COP1: variants seen among roughly 807,000 people sequenced by gnomAD.
COP1 encodes E3 ubiquitin-protein ligase COP1.
In COP1, 24 loss-of-function variants were observed where a neutral mutation model predicts 101.3. That is an observed-to-expected ratio of 0.24 (90% CI 0.17 to 0.33). COP1 has a LOEUF of 0.33. COP1 is among the 10% of genes least tolerant of loss of function. The probability of loss-of-function intolerance (pLI) is 1.00; values close to 1 mark genes in which losing one functional copy is unlikely to be tolerated. For missense variants in COP1, 663 were observed against 906.2 expected (o/e 0.73, Z 3.45); for synonymous variants, 347 against 341.9 (o/e 1.01, Z -0.17).
At chr1:176,177,062 C>G (rs1162027968) in intron 2 of COP1, among the ~76,000 whole-genome samples, 1 of 151,856 alleles carries the variant, frequency 6.6e-6, no homozygotes, top group Non-Finnish European at 1.5e-5. Context: ...AAAACAGAAG[C>G]AACCTAAACA....
At chr1:176,135,956 A>G (rs1689723119) in intron 7 of COP1, among the ~76,000 whole-genome samples, 2 of 152,052 alleles carry the variant, frequency 1.3e-5, no homozygotes, top group Admixed American at 1.3e-4. Flanking sequence ...ATAAATAACT[A>G]AAAACACAAA....
At chr1:176,052,844 C>A (rs771242016) in intron 11 of COP1, among the ~76,000 whole-genome samples, 1 of 152,062 alleles carries the variant, frequency 6.6e-6, no homozygotes, top group Non-Finnish European at 1.5e-5. Context: ...TTGCTTTTCT[C>A]CCCCTCATGC....
intron 2 of COP1, among the ~76,000 whole-genome samples, chr1:176,176,718 G>A: frequency 6.6e-6 from 1 of 152,070 alleles, no homozygotes; most frequent in East Asian, 1.9e-4. Context: ...TGAGGCAGGA[G>A]GATCACCTGA....
chr1:176,054,325 C>A (rs1001095624), intron 11 of COP1, among the ~76,000 whole-genome samples: 13 of 151,938 alleles, frequency 8.6e-5, no homozygotes, highest in African/African-American at 2.9e-4. Flanking sequence ...CCATGCCCAG[C>A]TAATTTTTGT....
At position 176,148,982 on chromosome 1, in the gene COP1, T is replaced by C. The variant is rs201097782; in HGVS notation, c.831+24A>G. 1.9e-5 allele frequency: 27 copies of C among 1,441,538 alleles called. No homozygotes were observed. The East Asian group carries it at 5.2e-4, about 28-fold the overall frequency. The allele number at this position is 1,441,538 out of a possible 1,614,324, so 89.3% of individuals were successfully genotyped here. A position where few individuals can be genotyped will look rare whatever the true frequency, so the allele number is the denominator to read the frequency against. ...GTTAACAATAGTAAATAAAACATTA[T>C]GTAAAACACACAAAATAATATACCT... On this transcript the variant is annotated intron_variant, in intron 6 of 19. Transcript: ENST00000367669.
chr1:175,972,290 A>G (rs530325385), intron 18 of COP1, among the ~76,000 whole-genome samples: 120 of 152,088 alleles, frequency 7.9e-4, no homozygotes, highest in Non-Finnish European at 1.6e-3. Context: ...ATACTAATAC[A>G]CATGTTGAAA....
intron 18 of COP1, among the ~76,000 whole-genome samples, chr1:175,981,113 A>T (rs1655745846): frequency 6.6e-6 from 1 of 152,152 alleles, no homozygotes; most frequent in South Asian, 2.1e-4. Flanking sequence ...TTTCATCTGG[A>T]ATCTTTTTCT....
chr1:176,168,695 A>C (rs182631305), intron 3 of COP1: 1 of 325,584 alleles, frequency 3.1e-6, no homozygotes, highest in East Asian at 1.3e-4. Context: ...CAGGAGAGGG[A>C]AAGAGAGCAT....
intron 2 of COP1, among the ~76,000 whole-genome samples, chr1:176,180,210 G>A (rs569147941): frequency 6.6e-6 from 1 of 152,274 alleles, no homozygotes; most frequent in South Asian, 2.1e-4. Flanking sequence ...ACAATATCCT[G>A]TTAAAAGAAT....
intron 9 of COP1, among the ~76,000 whole-genome samples, chr1:176,107,543 A>G (rs1684522960): frequency 2.6e-5 from 4 of 152,146 alleles, no homozygotes; most frequent in Admixed American, 6.6e-5. Context: ...TATATTAATG[A>G]CCCAGGATTC....
chr1:176,189,945 A>G (rs1206898189), intron 1 of COP1, among the ~76,000 whole-genome samples: 1 of 152,074 alleles, frequency 6.6e-6, no homozygotes, highest in African/African-American at 2.4e-5. Flanking sequence ...GGGAGGTTAA[A>G]AAAATCAAGA....
intron 5 of COP1, among the ~76,000 whole-genome samples, chr1:176,151,285 G>A (rs892991307): frequency 7.4e-6 from 1 of 134,670 alleles, no homozygotes; most frequent in East Asian, 2.1e-4. Context: ...AAGGAAGGAA[G>A]GAAGGAGAGA....
At chr1:176,202,672 A>C (rs1170489872) in intron 1 of COP1, among the ~76,000 whole-genome samples, 1 of 152,034 alleles carries the variant, frequency 6.6e-6, no homozygotes, top group Non-Finnish European at 1.5e-5. Flanking sequence ...TGTCTCAAAA[A>C]AAGGAAAAAA....
intron 12 of COP1, among the ~76,000 whole-genome samples, chr1:176,044,995 A>T (rs1213011159): frequency 6.6e-6 from 1 of 152,222 alleles, no homozygotes; most frequent in Admixed American, 6.5e-5. Context: ...CTATTAAATA[A>T]GTATTACTAT....
intron 11 of COP1, among the ~76,000 whole-genome samples, chr1:176,068,105 T>C (rs1383046512): frequency 6.6e-6 from 1 of 152,228 alleles, no homozygotes; most frequent in East Asian, 1.9e-4. Context: ...CTCTGTACTG[T>C]GAACCTAAAA....
In COP1 at chr1:176,154,507, C is replaced by G. The variant is rs142537640; in HGVS notation, c.763-5433G>C. On this transcript the variant is annotated intron_variant, in intron 5 of 19. Coordinates refer to ENST00000367669, the MANE Select transcript of COP1 (RefSeq NM_022457.7). ...GCAGGAACATAAATGAAGCCAGAAACCATTATCCTTAGCAAACTAACACAG... is the reference window on the plus strand; with the variant it reads ...GCAGGAACATAAATGAAGCCAGAAAGCATTATCCTTAGCAAACTAACACAG... Among the ~76,000 whole-genome samples the G allele has an allele frequency of 2.6e-3, 399 of 152,166 alleles. 3 individuals are homozygous for G. The highest frequency in any genetic ancestry group is 9.2e-3 in the African/African-American group (381 of 41,520).
chr1:176,104,351 T>G (rs1683939171), intron 9 of COP1, among the ~76,000 whole-genome samples: 1 of 152,060 alleles, frequency 6.6e-6, no homozygotes, highest in African/African-American at 2.4e-5. Flanking sequence ...CTAAAAACTT[T>G]TGAATGGTAA....
At chr1:176,100,697 G>A (rs932544838) in intron 9 of COP1, among the ~76,000 whole-genome samples, 2 of 152,158 alleles carry the variant, frequency 1.3e-5, no homozygotes, top group Non-Finnish European at 2.9e-5. Context: ...GAACAAGGGA[G>A]CTAACCAAAG....
chr1:176,155,631 CAAAAT>C (rs146901087), intron 5 of COP1, among the ~76,000 whole-genome samples: 67 of 151,746 alleles, frequency 4.4e-4, no homozygotes, highest in African/African-American at 1.5e-3. Context: ...TGCCAAAAAA[CAAAAT>C]AAAATAAAGA....
Sources: allele counts gnomAD v4.1 joint callset (sites outside exome capture counted in the v4.1 genomes callset), GRCh38; gene constraint gnomAD v4.1.1; transcripts MANE v1.5; gene names NCBI Gene and HGNC (gene_info 2026-07-23, HGNC 2026-07-21).